The following BZW1 variants were observed in gnomAD, a reference collection of about 807,000 sequenced individuals.
BZW1 encodes the protein eIF5-mimic protein 2.
A neutral mutation model predicts 54.1 loss-of-function variants in BZW1; 3 were observed. That is an observed-to-expected ratio of 0.06 (90% CI 0.03 to 0.14). BZW1 has a LOEUF of 0.14. Ranked by LOEUF, BZW1 falls within the 10% of genes least tolerant of loss-of-function variation. The pLI, the probability that BZW1 is intolerant of heterozygous loss-of-function variation, is 1.00. For synonymous variants in BZW1, 152 were observed against 162.7 expected, an observed-to-expected ratio of 0.93 and a Z score of 0.50; for missense variants, 206 against 491.7, an observed-to-expected ratio of 0.42 and a Z score of 5.50.
At chr2:200,819,263 G>T (rs11688852) in intron 9 of BZW1, 99,614 of 211,412 alleles carry the variant, frequency 0.47, 24,722 homozygotes, top group Non-Finnish European at 0.55. Context: ...GGTGGCGCAT[G>T]CCTGTAGTCC....
chr2:200,813,328 T>G, intron 2 of BZW1, 47 bp downstream of exon 2: 1 of 1,511,400 alleles, frequency 6.6e-7, no homozygotes, highest in Non-Finnish European at 9.2e-7. Flanking sequence ...CCAGAACATC[T>G]TGTGTATCTT....
chr2:200,822,414 C>A lies in BZW1; in HGVS notation c.*236C>A. 2.7e-6 allele frequency: 1 copy of A among 373,912 alleles called. No individual in the cohort carries two copies. Among genetic ancestry groups the A allele is most frequent in the Non-Finnish European group, 4.6e-6 (1 of 219,654 alleles). 23.2% of individuals were successfully genotyped at this position (373,912 alleles called of 1,614,324 possible). On this transcript the variant is annotated 3_prime_UTR_variant, in exon 12 of 12. Transcript: ENST00000409600. ...GATTTGAATCTAATGTTGCATTAGT[C>A]TTTTCAGTTATCTTCTACCTCCTGT...
At chr2:200,818,443 G>C in intron 8 of BZW1, 50 bp downstream of exon 8, 1 of 1,560,158 alleles carries the variant, frequency 6.4e-7, no homozygotes, top group South Asian at 1.2e-5. Flanking sequence ...CTGGCATAGA[G>C]ATTTTCACTA....
At chr2:200,816,086 A>G (rs2038277168) in intron 4 of BZW1, among the ~76,000 whole-genome samples, 1 of 152,228 alleles carries the variant, frequency 6.6e-6, no homozygotes, top group South Asian at 2.1e-4. Flanking sequence ...AAGTTAAATG[A>G]GTTGTGAGCT....
chr2:200,814,752 C>T (rs2038223942), intron 2 of BZW1, among the ~76,000 whole-genome samples: 1 of 152,166 alleles, frequency 6.6e-6, no homozygotes, highest in Non-Finnish European at 1.5e-5. Flanking sequence ...ATGTACTGAA[C>T]TACTACACAA....
intron 1 of BZW1, chr2:200,813,006 G>T (rs949500246): frequency 1.4e-6 from 1 of 695,130 alleles, no homozygotes; most frequent in African/African-American, 1.8e-5. Context: ...AGGGTTTCTT[G>T]TAGAGAGAAA....
At position 200,826,185 on chromosome 2, in the gene BZW1, A is replaced by C. The variant is rs535865388; in HGVS notation, c.*4007A>C. ...TTAATATCTGAACAATCTTAGACAT[A>C]ATTATATGAAACTGGATCAGAAAGG... On this transcript the variant is annotated 3_prime_UTR_variant, in exon 12 of 12. Coordinates refer to ENST00000409600, the MANE Select transcript of BZW1 (RefSeq NM_001207067.2). 1.3e-5 allele frequency: 2 copies of C among 152,152 alleles called. No individual in the cohort carries two copies. The highest frequency in any genetic ancestry group is 2.9e-5 in the Non-Finnish European group (2 of 68,022). The allele number at this position is 152,152 out of a possible 1,614,324, so 9.4% of individuals were successfully genotyped here.
At position 200,826,413 on chromosome 2, in the gene BZW1, T is replaced by TGA. The variant is rs1559318436; in HGVS notation, c.*4235_*4236insGA. ...GATAGATAGATAGATAGATATTTTT[T>TGA]TTTTTTTTTTTTTTTTTTTTTTTTT... On this transcript the variant is annotated 3_prime_UTR_variant, in exon 12 of 12. Transcript: ENST00000409600. 1 of 40,088 alleles carries TGA rather than the reference T, an allele frequency of 2.5e-5. No homozygotes were observed. The highest frequency in any genetic ancestry group is 1.3e-4 in the African/African-American group (1 of 7,890). 2.5% of individuals were successfully genotyped at this position (40,088 alleles called of 1,614,324 possible).
chr2:200,815,432 G>A lies in BZW1; in HGVS notation c.156G>A (p.Lys52=). The A allele has an allele frequency of 6.2e-7, 1 of 1,613,972 alleles. No individual in the cohort carries two copies. Among genetic ancestry groups the A allele is most frequent in the Non-Finnish European group, 8.5e-7 (1 of 1,179,888 alleles). ...ETGTDLEAVA[K]FLDASGAKLD... ...GTACTGATTTGGAAGCAGTAGCTAA[G>A]TTTCTTGATGCTTCTGGAGCAAAAC... The change falls in exon 3 of 12, where the codon AAG becomes AAA. Residue 52 remains lysine (K), a synonymous_variant. Transcript: ENST00000409600.
rs1559318464 is a variant in BZW1, at chr2:200,826,422, T to TGATAGATAGATAGA, written c.*4244_*4245insGATAGATAGATAGA. The TGATAGATAGATAGA allele has an allele frequency of 3.0e-4, 30 of 99,792 alleles. No individual in the cohort carries two copies. Among genetic ancestry groups the TGATAGATAGATAGA allele is most frequent in the South Asian group, 7.0e-4 (2 of 2,846 alleles). The allele number at this position is 99,792 out of a possible 1,614,324, so 6.2% of individuals were successfully genotyped here. A position where few individuals can be genotyped will look rare whatever the true frequency, so the allele number is the denominator to read the frequency against. Reference sequence around the variant, plus strand: ...ATAGATAGATATTTTTTTTTTTTTTTTTTTTTTTTTTTTTTTTTTTGAGAC... The same window carrying TGATAGATAGATAGA: ...ATAGATAGATATTTTTTTTTTTTTTTGATAGATAGATAGATTTTTTTTTTTTTTTTTTTTGAGAC... On this transcript the variant is annotated 3_prime_UTR_variant, in exon 12 of 12. Coordinates refer to ENST00000409600, the MANE Select transcript of BZW1 (RefSeq NM_001207067.2).
At chr2:200,819,521 G>C (rs2038426764) in intron 9 of BZW1, among the ~76,000 whole-genome samples, 1 of 151,628 alleles carries the variant, frequency 6.6e-6, no homozygotes, top group Non-Finnish European at 1.5e-5. Context: ...TGGACTACTT[G>C]GTATAGTATT....
Position 200,815,510 on chromosome 2 carries a change from A to T in BZW1, c.234A>T (p.Gly78=). The T allele has an allele frequency of 6.2e-7, 1 of 1,613,900 alleles. No homozygotes were observed. The highest frequency in any genetic ancestry group is 8.5e-7 in the Non-Finnish European group (1 of 1,179,832). ...ETLFDILVAG[G]MLAPGGTLAD... ...TCTTTGACATTCTGGTGGCTGGTGGAATGCTGGGTAAGTGTCTGTGGTTTG... is the reference window on the plus strand; with the variant it reads ...TCTTTGACATTCTGGTGGCTGGTGGTATGCTGGGTAAGTGTCTGTGGTTTG... Residue 78 remains glycine, a synonymous_variant, in exon 3 of 12, where the codon GGA becomes GGT. Transcript: ENST00000409600.
rs1333736089 is a variant in BZW1 at position 200,825,962 on chromosome 2, A to G, written c.*3784A>G. ...GTAAATTGCCTTGCTATGATTTTTC[A>G]TGCTCAGTATTAGTCCTCTAGTATC... On this transcript the variant is annotated 3_prime_UTR_variant, in exon 12 of 12. Coordinates refer to ENST00000409600, the MANE Select transcript of BZW1 (RefSeq NM_001207067.2). The G allele has an allele frequency of 6.6e-6, 1 of 152,220 alleles. No homozygotes were observed. Among genetic ancestry groups the G allele is most frequent in the Non-Finnish European group, 1.5e-5 (1 of 68,036 alleles). 9.4% of individuals were successfully genotyped at this position (152,220 alleles called of 1,614,324 possible).
Position 200,814,748 on chromosome 2 carries a change from T to C in BZW1, c.65-593T>C, listed in dbSNP as rs146649550. Among the ~76,000 whole-genome samples, 318 of 152,318 alleles carry C rather than the reference T, an allele frequency of 2.1e-3. 1 individual carries two copies. Among genetic ancestry groups the C allele is most frequent in the African/African-American group, 6.8e-3 (282 of 41,574 alleles). On this transcript the variant is annotated intron_variant, in intron 2 of 11. Coordinates refer to ENST00000409600, the MANE Select transcript of BZW1 (RefSeq NM_001207067.2). ...CAGTTTAACTCCAGAGCCCATGTAC[T>C]GAACTACTACACAATATAGTCTCTT...
rs1410760808 is a variant in BZW1 at position 200,826,427 on chromosome 2, T to A, written c.*4249T>A. 1.7e-5 allele frequency: 2 copies of A among 114,980 alleles called. No homozygotes were observed. Among genetic ancestry groups the A allele is most frequent in the African/African-American group, 3.3e-5 (1 of 30,628 alleles). 7.1% of individuals were successfully genotyped at this position (114,980 alleles called of 1,614,324 possible). On this transcript the variant is annotated 3_prime_UTR_variant, in exon 12 of 12. Transcript: ENST00000409600. ...TAGATATTTTTTTTTTTTTTTTTTT[T>A]TTTTTTTTTTTTTTTGAGACAGAGT...
intron 2 of BZW1, 148 bp downstream of exon 2, chr2:200,813,429 TAC>T: frequency 1.5e-6 from 1 of 658,608 alleles, no homozygotes; most frequent in Non-Finnish European, 2.6e-6. Flanking sequence ...CCATTTCACA[TAC>T]ACCTTTAATA....
chr2:200,821,061 C>A (rs886368861), intron 10 of BZW1, 122 bp from the exon 11 acceptor site: 1 of 1,189,288 alleles, frequency 8.4e-7, no homozygotes, highest in Admixed American at 2.2e-5. Flanking sequence ...TTCCATTTCT[C>A]ATGGATGTTT....
intron 9 of BZW1, 94 bp downstream of exon 9, chr2:200,818,995 TC>T (rs1345535150): frequency 1.4e-6 from 2 of 1,396,858 alleles, no homozygotes; most frequent in Middle Eastern, 1.8e-4. Context: ...ATTTATCACA[TC>T]CTGTGGTTCC....
rs752499616 is a variant in BZW1 at position 200,817,248 on chromosome 2, A to G, written c.538+7A>G. On this transcript the variant is annotated splice_region_variant and intron_variant, in intron 6 of 11. Transcript: ENST00000409600. ...GAAAATTTGGTTAAAGAAGGTAATC[A>G]GCCTTAAAGGATGGTCTTCAGTTGA... is the stretch of plus-strand genomic sequence containing the variant. The G allele has an allele frequency of 1.9e-6, 3 of 1,612,058 alleles. No homozygotes were observed. Among genetic ancestry groups the G allele is most frequent in the Non-Finnish European group, 2.5e-6 (3 of 1,179,730 alleles).
Sources: allele counts gnomAD v4.1 joint callset (sites outside exome capture counted in the v4.1 genomes callset), GRCh38; gene constraint gnomAD v4.1.1; transcripts MANE v1.5; gene names NCBI Gene and HGNC (gene_info 2026-07-23, HGNC 2026-07-21).